TMEM114: variants seen among roughly 807,000 people sequenced by gnomAD.
TMEM114 encodes the protein transmembrane protein 114.
Under a neutral mutation model 6.2 loss-of-function variants are expected in TMEM114, and 6 were observed. That is an observed-to-expected ratio of 0.97 (90% CI 0.53 to 1.91). TMEM114 has a LOEUF of 1.91. Among genes scored for constraint, TMEM114 ranks in the 40% most tolerant of loss-of-function variants. The probability of loss-of-function intolerance (pLI) is 0.01; values close to 1 mark genes in which losing one functional copy is unlikely to be tolerated. For synonymous variants in TMEM114, 104 were observed against 73.0 expected (o/e 1.42, Z -2.16); for missense variants, 218 against 158.3 (o/e 1.38, Z -2.02).
chr16:8,538,493 TTTTG>T (rs1200000967), intron 2 of TMEM114, among the ~76,000 whole-genome samples: 10 of 148,188 alleles, frequency 6.7e-5, no homozygotes, highest in East Asian at 5.9e-4. Flanking sequence ...GCTGTGGTTT[TTTTG>T]TTTGTTTGTT....
Position 8,575,174 on chromosome 16 carries a change from G to C in TMEM114, c.302-2950C>G, listed in dbSNP as rs80301726. Among the ~76,000 whole-genome samples the C allele has an allele frequency of 2.3e-4, 35 of 152,310 alleles. 1 individual carries two copies. The East Asian group carries it at 6.2e-3, about 27-fold the overall frequency. On this transcript the variant is annotated intron_variant, in intron 2 of 3. Transcript: ENST00000620492. ...TCAAAAGACCACTGAAAAAGAGTCT[G>C]TGACATACAAGCTGTGTGACTTTGG...
At chr16:8,559,554 C>A (rs9635561) in intron 2 of TMEM114, among the ~76,000 whole-genome samples, 1 of 152,102 alleles carries the variant, frequency 6.6e-6, no homozygotes, top group South Asian at 2.1e-4. Context: ...AAGGTGGAAG[C>A]GGATAGGGGA....
At chr16:8,554,854 G>A (rs1465155966) in intron 2 of TMEM114, among the ~76,000 whole-genome samples, 1 of 152,196 alleles carries the variant, frequency 6.6e-6, no homozygotes, top group East Asian at 1.9e-4. Flanking sequence ...GGATGAGGAA[G>A]TTGAGGGACG....
intron 2 of TMEM114, among the ~76,000 whole-genome samples, chr16:8,538,239 T>G (rs1328987027): frequency 6.7e-6 from 1 of 149,516 alleles, no homozygotes; most frequent in Non-Finnish European, 1.5e-5. Flanking sequence ...TAGAAAACCA[T>G]GATCCTTCCA....
At chr16:8,589,020 C>T (rs1010529088) in intron 2 of TMEM114, among the ~76,000 whole-genome samples, 193 bp downstream of exon 2, 2 of 152,058 alleles carry the variant, frequency 1.3e-5, no homozygotes, top group African/African-American at 2.4e-5. Flanking sequence ...CCCTAAACCA[C>T]AAAACGTTAC....
At chr16:8,577,962 G>A (rs150691740) in intron 2 of TMEM114, among the ~76,000 whole-genome samples, 206 of 152,298 alleles carry the variant, frequency 1.4e-3, no homozygotes, top group South Asian at 3.5e-3. Context: ...TGAGGGCCAA[G>A]CCCTGTCCTA....
chr16:8,565,722 G>T (rs1213473444), downstream of TMEM114, among the ~76,000 whole-genome samples: 1 of 152,118 alleles, frequency 6.6e-6, no homozygotes, highest in Non-Finnish European at 1.5e-5. Flanking sequence ...CAGACCTAAG[G>T]GTCTTAGAGC....
chr16:8,567,141 T>C (rs988866962), downstream of TMEM114, among the ~76,000 whole-genome samples: 2 of 151,772 alleles, frequency 1.3e-5, no homozygotes, highest in Non-Finnish European at 2.9e-5. Flanking sequence ...ACTCCTGACC[T>C]CAGGTGACCT....
downstream of TMEM114, among the ~76,000 whole-genome samples, chr16:8,535,205 C>T (rs1015781627): frequency 6.6e-6 from 1 of 151,978 alleles, no homozygotes; most frequent in South Asian, 2.1e-4. Context: ...AAATAAAATG[C>T]AGTCATAGAT....
At chr16:8,562,828 G>A (rs1412435948) in intron 2 of TMEM114, among the ~76,000 whole-genome samples, 6 of 150,888 alleles carry the variant, frequency 4.0e-5, no homozygotes, top group East Asian at 1.9e-4. Flanking sequence ...GAGGGAGGGA[G>A]GGAATGAGTG....
intron 2 of TMEM114, among the ~76,000 whole-genome samples, chr16:8,574,582 CTTCT>C (rs60193962): frequency 6.7e-4 from 96 of 142,576 alleles, no homozygotes; most frequent in East Asian, 5.6e-3. Flanking sequence ...TCCTTCCTTC[CTTCT>C]TTCTTTCTTT....
At chr16:8,564,249 G>GTGAGTGAATGAGTGATGAAA (rs1567203586) in intron 2 of TMEM114, among the ~76,000 whole-genome samples, 2 of 7,914 alleles carry the variant, frequency 2.5e-4, no homozygotes, top group Non-Finnish European at 3.7e-4. Flanking sequence ...GAATGAGTGA[G>GTGAGTGAATGAGTGATGAAA]TGAGTGAATG....
At position 8,563,966 on chromosome 16, in the gene TMEM114, T is replaced by A. The variant is rs572374358; in HGVS notation, n.212+25247A>T. On this transcript the variant is annotated intron_variant and non_coding_transcript_variant, in intron 2 of 2. Coordinates refer to the TMEM114 transcript ENST00000623677. Reference sequence around the variant, plus strand: ...GTAAGTAAATGAGTGAGTGAATGAGTGAATGAGTGAGTGAGGGAGGGCGGG... The same window carrying A: ...GTAAGTAAATGAGTGAGTGAATGAGAGAATGAGTGAGTGAGGGAGGGCGGG... Among the ~76,000 whole-genome samples the A allele has an allele frequency of 3.6e-4, 53 of 148,658 alleles. 1 individual carries two copies. The highest frequency in any genetic ancestry group is 1.1e-3 in the African/African-American group (45 of 39,190).
At chr16:8,569,134 G>C (rs908397388), downstream of TMEM114, among the ~76,000 whole-genome samples, 2 of 152,204 alleles carry the variant, frequency 1.3e-5, no homozygotes, top group African/African-American at 4.8e-5. Context: ...CGGATGGGGA[G>C]CCCATTCCCA....
intron 3 of TMEM114, among the ~76,000 whole-genome samples, chr16:8,570,384 C>T (rs1279374819): frequency 6.6e-6 from 1 of 152,012 alleles, no homozygotes; most frequent in African/African-American, 2.4e-5. Context: ...GGTGCGATCT[C>T]AGCTTGCTGC....
At chr16:8,564,006 T>A (rs1282657111) in intron 2 of TMEM114, among the ~76,000 whole-genome samples, 1 of 150,902 alleles carries the variant, frequency 6.6e-6, no homozygotes, top group African/African-American at 2.5e-5. Flanking sequence ...AATGAGTGAG[T>A]GAATGAGTAT....
In TMEM114 at chr16:8,560,663, TCTC is replaced by T. The variant is rs544775724; in HGVS notation, n.213-22840_213-22838del. ...TATCAGCCTCTACCAGAGCAAGTCT[TCTC>T]CTTCTGTGGGCCTCAGGCTCCTGTC... On this transcript the variant is annotated intron_variant and non_coding_transcript_variant, in intron 2 of 2. Coordinates refer to the TMEM114 transcript ENST00000623677. 3.4e-3 allele frequency among the ~76,000 whole-genome samples: 512 copies of T among 152,222 alleles called. 3 individuals carry two copies. The highest frequency in any genetic ancestry group is 0.011 in the African/African-American group (468 of 41,510).
intron 3 of TMEM114, among the ~76,000 whole-genome samples, 191 bp downstream of exon 3, chr16:8,571,896 C>G (rs920310229): frequency 4.6e-5 from 7 of 152,158 alleles, no homozygotes; most frequent in Non-Finnish European, 1.5e-5. Context: ...CTGCACTGCT[C>G]CTGTCTTGGA....
At chr16:8,568,619 C>A (rs1322768149), downstream of TMEM114, among the ~76,000 whole-genome samples, 4 of 152,172 alleles carry the variant, frequency 2.6e-5, no homozygotes, top group African/African-American at 9.7e-5. Flanking sequence ...TGTTGATAAT[C>A]GTGTTGTCAT....
Sources: allele counts gnomAD v4.1 joint callset (sites outside exome capture counted in the v4.1 genomes callset), GRCh38; gene constraint gnomAD v4.1.1; transcripts MANE v1.5; gene names NCBI Gene and HGNC (gene_info 2026-07-23, HGNC 2026-07-21).